The following VDAC3 variants were observed in gnomAD, a reference collection of about 807,000 sequenced individuals.
VDAC3 encodes the protein voltage dependent anion channel 3, also known as non-selective voltage-gated ion channel VDAC3.
VDAC3 carries 7 observed loss-of-function variants against 33.9 expected under a neutral mutation model. That is an observed-to-expected ratio of 0.21 (90% CI 0.12 to 0.39). The LOEUF (loss-of-function observed/expected upper bound fraction) is 0.39. VDAC3 is among the 10% of genes least tolerant of loss of function. VDAC3 has a pLI of 1.00. For synonymous variants in VDAC3, 100 were observed against 122.4 expected (o/e 0.82, Z 1.21); for missense variants, 261 against 334.5 (o/e 0.78, Z 1.71).
intron 5 of VDAC3, among the ~76,000 whole-genome samples, 199 bp downstream of exon 5, chr8:42,399,063 A>G (rs749727754): frequency 6.6e-6 from 1 of 152,044 alleles, no homozygotes; most frequent in Non-Finnish European, 1.5e-5. Flanking sequence ...ACTATATTAC[A>G]TCTTTGTTCT....
chr8:42,399,165 G>T (rs1308795792), intron 5 of VDAC3, among the ~76,000 whole-genome samples: 2 of 152,010 alleles, frequency 1.3e-5, no homozygotes, highest in Non-Finnish European at 2.9e-5. Context: ...TGAAAAATTG[G>T]CTTGACAGAA....
At chr8:42,392,683 A>G (rs1010418168) in intron 1 of VDAC3, among the ~76,000 whole-genome samples, 4 of 152,246 alleles carry the variant, frequency 2.6e-5, no homozygotes, top group African/African-American at 9.6e-5. Context: ...ATAACAAAAC[A>G]AAATGCTGAA....
Position 42,401,955 on chromosome 8 carries a change from T to C in VDAC3, c.491T>C (p.Leu164Pro). 6.2e-7 allele frequency: 1 copy of C among 1,614,250 alleles called. No individual in the cohort carries two copies. The highest frequency in any genetic ancestry group is 8.5e-7 in the Non-Finnish European group (1 of 1,180,040). ...AGTTTTGACACAGCCAAATCCAAACTGTCACAGAATAATTTCGCCCTGGGT... is the reference window on the plus strand; with the variant it reads ...AGTTTTGACACAGCCAAATCCAAACCGTCACAGAATAATTTCGCCCTGGGT... ...QMSFDTAKSK[L>P]SQNNFALGYK... Residue 164 changes from leucine to proline, a missense_variant, in exon 7 of 10, where the codon CTG (leucine) becomes CCG (proline). Physicochemically the swap from Leu to Pro is moderately conservative, Grantham distance 98 (BLOSUM62 -3). Transcript: ENST00000022615.
chr8:42,395,245 C>T, intron 4 of VDAC3, 112 bp downstream of exon 4: 1 of 1,474,640 alleles, frequency 6.8e-7, no homozygotes, highest in Non-Finnish European at 9.2e-7. Context: ...TTCCCCACAG[C>T]TTTGTCCTCT....
At chr8:42,398,996 C>T in intron 5 of VDAC3, 132 bp downstream of exon 5, 1 of 955,028 alleles carries the variant, frequency 1.0e-6, no homozygotes, top group Non-Finnish European at 1.5e-6. Flanking sequence ...TGCATGTGGC[C>T]TTTTTTGATG....
At chr8:42,399,407 A>C (rs947191359) in intron 5 of VDAC3, 1 of 370,720 alleles carries the variant, frequency 2.7e-6, no homozygotes, top group Non-Finnish European at 5.0e-6. Context: ...TTTGGTTTTG[A>C]ACTGTATTTT....
chr8:42,396,973 C>T, intron 4 of VDAC3: 1 of 338,566 alleles, frequency 3.0e-6, no homozygotes. Context: ...TGGAACTCAA[C>T]TTAGAACAAT....
In VDAC3 at chr8:42,405,417, T is replaced by C. The variant is rs1215212827; in HGVS notation, c.807T>C (p.Ser269=). The change falls in exon 10 of 10, where the codon AGT becomes AGC. Residue 269 remains serine, a synonymous_variant. Coordinates refer to ENST00000022615, the MANE Select transcript of VDAC3 (RefSeq NM_005662.7). ...LSALIDGKNF[S]AGGHKVGLGF... Reference sequence around the variant, plus strand: ...CTTTAATCGATGGGAAGAACTTCAGTGCAGGAGGTCACAAGGTTGGCTTGG... The same window carrying C: ...CTTTAATCGATGGGAAGAACTTCAGCGCAGGAGGTCACAAGGTTGGCTTGG... 6.2e-7 allele frequency: 1 copy of C among 1,612,714 alleles called. No individual in the cohort carries two copies. The highest frequency in any genetic ancestry group is 2.2e-5 in the East Asian group (1 of 44,884).
intron 5 of VDAC3, 164 bp from the exon 6 acceptor site, chr8:42,399,487 G>A (rs1802378683): frequency 1.9e-6 from 1 of 531,404 alleles, no homozygotes; most frequent in Admixed American, 3.2e-5. Flanking sequence ...TGGGGTGAGG[G>A]GACAGGAGGA....
At chr8:42,399,763 T>C in intron 6 of VDAC3, 60 bp downstream of exon 6, 2 of 1,512,556 alleles carry the variant, frequency 1.3e-6, no homozygotes, top group Non-Finnish European at 1.8e-6. Flanking sequence ...TAGAGAGCTT[T>C]AGAATAAGGA....
At chr8:42,395,465 T>C (rs746645865) in intron 4 of VDAC3, among the ~76,000 whole-genome samples, 1 of 152,212 alleles carries the variant, frequency 6.6e-6, no homozygotes, top group Non-Finnish European at 1.5e-5. Flanking sequence ...TCATGGAAAT[T>C]TTATTACCCT....
chr8:42,394,487 G>A (rs1356094733), intron 3 of VDAC3, among the ~76,000 whole-genome samples: 2 of 152,136 alleles, frequency 1.3e-5, no homozygotes, highest in African/African-American at 4.8e-5. Context: ...TACATATACA[G>A]ATGCATATAC....
chr8:42,403,496 T>C lies in VDAC3; in HGVS notation c.702+35T>C, dbSNP rs530239804. 118 of 1,520,020 alleles carry C rather than the reference T, an allele frequency of 7.8e-5. 2 individuals carry two copies. The South Asian group carries it at 1.4e-3, about 18-fold the overall frequency. 94.2% of individuals were successfully genotyped at this position (1,520,020 alleles called of 1,614,324 possible). On this transcript the variant is annotated intron_variant, in intron 8 of 9. Transcript: ENST00000022615. The stretch of plus-strand genomic sequence containing the variant: ...TGCTGCCAGATTGGATCTGCTCTTA[T>C]GTTTGTGTCTAAGTTTTCAGAGAAT...
At chr8:42,401,654 T>C in intron 6 of VDAC3, 134 bp from the exon 7 acceptor site, 2 of 762,442 alleles carry the variant, frequency 2.6e-6, no homozygotes, top group Non-Finnish European at 4.3e-6. Flanking sequence ...ATGTTTTTAC[T>C]ATATATGTGG....
chr8:42,392,388 CT>C (rs3838707), intron 1 of VDAC3, among the ~76,000 whole-genome samples: 3,699 of 152,348 alleles, frequency 0.024, 111 homozygotes, highest in South Asian at 0.12. Flanking sequence ...TAGCAACCGG[CT>C]TAACGCCTTT....
At chr8:42,403,112 G>A (rs1016453143) in intron 7 of VDAC3, 199 bp from the exon 8 acceptor site, 42 of 591,084 alleles carry the variant, frequency 7.1e-5, no homozygotes, top group Admixed American at 9.8e-5. Context: ...AAGTGTTAAC[G>A]TTTTAATTAA....
chr8:42,399,807 C>G (rs752291658), intron 6 of VDAC3, 104 bp downstream of exon 6: 3 of 1,047,758 alleles, frequency 2.9e-6, no homozygotes, highest in Non-Finnish European at 4.3e-6. Context: ...AGGAAGAACT[C>G]AGAAGGTTGC....
intron 2 of VDAC3, 28 bp from the exon 3 acceptor site, chr8:42,394,182 A>G: frequency 1.9e-6 from 3 of 1,598,148 alleles, no homozygotes; most frequent in Non-Finnish European, 2.6e-6. Flanking sequence ...GGTTATTTTT[A>G]TTCCTTTGCC....
At position 42,394,317 on chromosome 8, in the gene VDAC3, G is replaced by A. The variant is rs773382876; in HGVS notation, c.67+39G>A. The A allele has an allele frequency of 3.8e-6, 6 of 1,574,104 alleles. 1 individual carries two copies. In the South Asian group the frequency reaches 6.7e-5, roughly 18 times the overall value. ...TGTAACTTTCCAGTTTGGGGTAAAG[G>A]TTAGTGTTGAATGCCTACTGTGTGT... is the stretch of plus-strand genomic sequence containing the variant. On this transcript the variant is annotated intron_variant, in intron 3 of 9. Coordinates refer to ENST00000022615, the MANE Select transcript of VDAC3 (RefSeq NM_005662.7).
Sources: allele counts gnomAD v4.1 joint callset (sites outside exome capture counted in the v4.1 genomes callset), GRCh38; gene constraint gnomAD v4.1.1; transcripts MANE v1.5; gene names NCBI Gene and HGNC (gene_info 2026-07-23, HGNC 2026-07-21).